CACNA1E: variants seen among roughly 807,000 people sequenced by gnomAD.
CACNA1E encodes the protein voltage-dependent R-type calcium channel subunit alpha-1E.
Under a neutral mutation model 259.2 loss-of-function variants are expected in CACNA1E, and 40 were observed. The ratio of observed to expected loss-of-function variants is 0.15; its 90% confidence interval spans 0.12 to 0.20. The LOEUF is 0.20. Ranked by LOEUF, CACNA1E falls within the 10% of genes least tolerant of loss-of-function variation. CACNA1E has a pLI of 1.00. For missense variants in CACNA1E, 1,874 were observed against 3,040.1 expected, an observed-to-expected ratio of 0.62 and a Z score of 9.02; for synonymous variants, 1,104 against 1,138.5, an observed-to-expected ratio of 0.97 and a Z score of 0.61.
chr1:181,546,702 G>A (rs568797708), intron 3 of CACNA1E, among the ~76,000 whole-genome samples: 4 of 152,150 alleles, frequency 2.6e-5, no homozygotes, highest in Admixed American at 1.3e-4. Context: ...CAAAAAAGCC[G>A]TGCAGACAGT....
At chr1:181,321,056 C>A (rs1347274692) in intron 1 of CACNA1E, among the ~76,000 whole-genome samples, 2 of 152,100 alleles carry the variant, frequency 1.3e-5, no homozygotes, top group South Asian at 4.2e-4. Context: ...GAGGGAGAAG[C>A]AAGAGAGAAG....
At chr1:181,715,486 A>G in intron 9 of CACNA1E, 95 bp downstream of exon 9, 1 of 721,502 alleles carries the variant, frequency 1.4e-6, no homozygotes. Flanking sequence ...GAAATGAAAG[A>G]TGGTGTTCTG....
At chr1:181,417,741 C>T (rs185615909) in intron 2 of CACNA1E, among the ~76,000 whole-genome samples, 10 of 152,164 alleles carry the variant, frequency 6.6e-5, no homozygotes, top group African/African-American at 2.2e-4. Context: ...CCTGCCAGCT[C>T]GCTCCTAGCT....
intron 44 of CACNA1E, among the ~76,000 whole-genome samples, chr1:181,793,199 C>T (rs1201768982): frequency 3.9e-5 from 6 of 152,166 alleles, no homozygotes; most frequent in Non-Finnish European, 7.3e-5. Context: ...CTTAACGTCA[C>T]GTGTCTTAAG....
At chr1:181,321,998 G>A (rs890537123) in intron 1 of CACNA1E, among the ~76,000 whole-genome samples, 1 of 152,154 alleles carries the variant, frequency 6.6e-6, no homozygotes, top group Non-Finnish European at 1.5e-5. Context: ...CCCTTCTACT[G>A]GGGGAGGGTA....
intron 1 of CACNA1E, among the ~76,000 whole-genome samples, chr1:181,370,220 C>G (rs896398280): frequency 1.3e-5 from 2 of 151,612 alleles, no homozygotes; most frequent in African/African-American, 4.8e-5. Flanking sequence ...TTCAGAAAAT[C>G]ATCTCATGTT....
intron 1 of CACNA1E, among the ~76,000 whole-genome samples, chr1:181,333,516 A>G (rs540835050): frequency 1.4e-4 from 21 of 152,360 alleles, no homozygotes; most frequent in Non-Finnish European, 2.9e-4. Context: ...ATGAGTTCCA[A>G]TAAAACTTTA....
intron 3 of CACNA1E, among the ~76,000 whole-genome samples, chr1:181,531,258 A>G (rs1461844257): frequency 1.3e-5 from 2 of 152,102 alleles, no homozygotes; most frequent in African/African-American, 4.8e-5. Flanking sequence ...CCATGCCATG[A>G]TGTTCTGTTG....
intron 1 of CACNA1E, among the ~76,000 whole-genome samples, chr1:181,323,490 G>T (rs980761490): frequency 2.6e-5 from 4 of 152,090 alleles, no homozygotes; most frequent in Non-Finnish European, 5.9e-5. Flanking sequence ...TCCCATGTTA[G>T]GATCATTGAC....
intron 2 of CACNA1E, among the ~76,000 whole-genome samples, chr1:181,455,611 A>G (rs1364388916): frequency 6.6e-6 from 1 of 152,188 alleles, no homozygotes; most frequent in East Asian, 1.9e-4. Flanking sequence ...CACTGAATCA[A>G]TGCCCCAGTT....
intron 3 of CACNA1E, among the ~76,000 whole-genome samples, chr1:181,545,416 C>T (rs1399437808): frequency 1.3e-5 from 2 of 152,152 alleles, no homozygotes; most frequent in East Asian, 3.9e-4. Flanking sequence ...ACTCAGCGCA[C>T]TGAGGCAGGG....
intron 2 of CACNA1E, among the ~76,000 whole-genome samples, chr1:181,476,678 G>A (rs1558033620): frequency 6.6e-6 from 1 of 152,216 alleles, no homozygotes; most frequent in Non-Finnish European, 1.5e-5. Flanking sequence ...GAACCAATCG[G>A]CCTGAGCCCA....
At chr1:181,716,881 T>C (rs1362889632) in intron 10 of CACNA1E, among the ~76,000 whole-genome samples, 1 of 152,200 alleles carries the variant, frequency 6.6e-6, no homozygotes, top group Non-Finnish European at 1.5e-5. Context: ...GGGGAATCTT[T>C]CCATTTCTTA....
intron 1 of CACNA1E, among the ~76,000 whole-genome samples, chr1:181,405,816 A>G (rs140190468): frequency 5.3e-5 from 8 of 152,232 alleles, no homozygotes; most frequent in Non-Finnish European, 1.0e-4. Context: ...AGCCTCATGC[A>G]AAATCTTTCA....
chr1:181,637,045 C>A (rs1490935807), intron 6 of CACNA1E, among the ~76,000 whole-genome samples: 1 of 152,184 alleles, frequency 6.6e-6, no homozygotes, highest in Non-Finnish European at 1.5e-5. Context: ...GAGAGTTTCC[C>A]AATCTTTGTC....
At chr1:181,653,213 A>G (rs964523412) in intron 7 of CACNA1E, among the ~76,000 whole-genome samples, 1 of 152,080 alleles carries the variant, frequency 6.6e-6, no homozygotes, top group African/African-American at 2.4e-5. Flanking sequence ...GGCCATTGAT[A>G]TAGTTTGGCT....
At chr1:181,536,926 G>T (rs1038867021) in intron 3 of CACNA1E, among the ~76,000 whole-genome samples, 1 of 151,938 alleles carries the variant, frequency 6.6e-6, no homozygotes, top group African/African-American at 2.4e-5. Flanking sequence ...TAAAGTGAGT[G>T]CTTGATCTTC....
At chr1:181,393,519 G>A (rs1299229212) in intron 1 of CACNA1E, among the ~76,000 whole-genome samples, 2 of 152,116 alleles carry the variant, frequency 1.3e-5, no homozygotes, top group Non-Finnish European at 2.9e-5. Flanking sequence ...GTGCAGTAGC[G>A]TGATCTTGGC....
intron 2 of CACNA1E, among the ~76,000 whole-genome samples, chr1:181,430,846 G>T (rs561041647): frequency 6.6e-6 from 1 of 152,276 alleles, no homozygotes; most frequent in African/African-American, 2.4e-5. Flanking sequence ...TGTAGAGGGG[G>T]CATTATCTGG....
Sources: allele counts gnomAD v4.1 joint callset (sites outside exome capture counted in the v4.1 genomes callset), GRCh38; gene constraint gnomAD v4.1.1; transcripts MANE v1.5; gene names NCBI Gene and HGNC (gene_info 2026-07-23, HGNC 2026-07-21).